The following KIRREL2 variants were observed in gnomAD, a reference collection of about 807,000 sequenced individuals.
The protein encoded by KIRREL2 is kirre like nephrin family adhesion molecule 2.
In KIRREL2, 56 loss-of-function variants were observed where a neutral mutation model predicts 73.4. The observed-to-expected ratio is 0.76, with a 90% CI of 0.62 to 0.95. The LOEUF is 0.95. Ranked by LOEUF, KIRREL2 falls within the 40% of genes least tolerant of loss-of-function variation. KIRREL2 has a pLI of 0.00. For missense variants in KIRREL2, 896 were observed against 935.0 expected (o/e 0.96, Z 0.54); for synonymous variants, 407 against 404.0 (o/e 1.01, Z -0.09).
At chr19:35,853,416 C>T (rs2146837561), upstream of KIRREL2, among the ~76,000 whole-genome samples, 1 of 152,330 alleles carries the variant, frequency 6.6e-6, no homozygotes, top group South Asian at 2.1e-4. Context: ...ACTGCATGAG[C>T]TTTCTTCTCC....
In KIRREL2 at chr19:35,866,711, T is replaced by G; in HGVS notation, c.*219T>G. 1.3e-5 allele frequency: 8 copies of G among 606,252 alleles called. No individual in the cohort carries two copies. Among genetic ancestry groups the G allele is most frequent in the Non-Finnish European group, 2.3e-5 (8 of 349,466 alleles). 37.6% of individuals were successfully genotyped at this position (606,252 alleles called of 1,614,324 possible). A position where few individuals can be genotyped will look rare whatever the true frequency, so the allele number is the denominator to read the frequency against. ...CATGGCCACCCAATATGCCCACCTA[T>G]TCCCCGGTGTAAAAGAGATTCAAGA... On this transcript the variant is annotated 3_prime_UTR_variant, in exon 15 of 15. Transcript: ENST00000360202.
chr19:35,862,998 G>A lies in KIRREL2; in HGVS notation c.1687G>A (p.Gly563Ser). Residue 563 changes from glycine (G) to serine (S), a missense_variant, in exon 13 of 15, where the codon GGT becomes AGT. Physicochemically the swap from Gly to Ser is moderately conservative, Grantham distance 56. Coordinates refer to ENST00000360202, the MANE Select transcript of KIRREL2 (RefSeq NM_199180.4). ...CAGCAGCGACGGCTCCAGTTCACGA[G>A]GTCCTGAAGAAGAGGAGACAGGCAG... Reference protein sequence around the residue: ...PGSSDGSSSRGPEEEETGSRE... With the variant: ...PGSSDGSSSRSPEEEETGSRE... The A allele has an allele frequency of 6.3e-7, 1 of 1,592,474 alleles. No homozygotes were observed. The highest frequency in any genetic ancestry group is 8.5e-7 in the Non-Finnish European group (1 of 1,169,882).
upstream of KIRREL2, among the ~76,000 whole-genome samples, chr19:35,855,706 C>CAT (rs1555765245): frequency 0.036 from 3,240 of 90,496 alleles, 178 homozygotes; most frequent in East Asian, 0.11. Context: ...CACACACACA[C>CAT]ATACACACAG....
chr19:35,862,521 C>G lies in KIRREL2; in HGVS notation c.1539C>G (p.Ala513=). 2 of 1,610,310 alleles carry G rather than the reference C, an allele frequency of 1.2e-6. No homozygotes were observed. Among genetic ancestry groups the G allele is most frequent in the Non-Finnish European group, 1.7e-6 (2 of 1,179,892 alleles). ...RDLLPTVRIV[A]GVAAATTTLL... ...TGCTGCCCACTGTGCGGATAGTGGC[C>G]GGAGTGGCCGCTGCCACCACAACTC... The change falls in exon 12 of 15, where the codon GCC becomes GCG. Residue 513 remains alanine (A), a synonymous_variant. Transcript: ENST00000360202.
Position 35,866,700 on chromosome 19 carries a change from A to T in KIRREL2, c.*208A>T, listed in dbSNP as rs1206202046. On this transcript the variant is annotated 3_prime_UTR_variant, in exon 15 of 15. Coordinates refer to ENST00000360202, the MANE Select transcript of KIRREL2 (RefSeq NM_199180.4). ...AGTGGGAGCAACATGGCCACCCAAT[A>T]TGCCCACCTATTCCCCGGTGTAAAA... 3.6e-5 allele frequency: 23 copies of T among 632,864 alleles called. No homozygotes were observed. The highest frequency in any genetic ancestry group is 5.7e-5 in the Non-Finnish European group (21 of 368,176). The allele number at this position is 632,864 out of a possible 1,614,324, so 39.2% of individuals were successfully genotyped here.
At position 35,860,708 on chromosome 19, in the gene KIRREL2, G is replaced by A. The variant is rs200703246; in HGVS notation, c.928+41G>A. 7.7e-5 allele frequency: 123 copies of A among 1,597,810 alleles called. No homozygotes were observed. The Admixed American group carries it at 1.6e-3, about 21-fold the overall frequency. ...CCTGTGGGTGTGGTCAAAGGTGGCC[G>A]TGGCTTTCAGGGCTGTTGAGGGTCG... On this transcript the variant is annotated intron_variant, in intron 7 of 14. Coordinates refer to ENST00000360202, the MANE Select transcript of KIRREL2 (RefSeq NM_199180.4).
At chr19:35,851,561 G>T (rs1599848088), upstream of KIRREL2, 1 of 1,613,930 alleles carries the variant, frequency 6.2e-7, no homozygotes, top group East Asian at 2.2e-5. Flanking sequence ...ACTGCCAGGG[G>T]TGCTGACCCC....
chr19:35,857,150 G>A lies in KIRREL2; in HGVS notation c.31G>A (p.Val11Ile). The change falls in exon 1 of 15, where the codon GTC becomes ATC. Residue 11 changes from valine (V) to isoleucine (I), a missense_variant. Transcript: ENST00000360202. ...CAGGATGCGGGTCCCCGCCCTCCTCGTCCTCCTCTTCTGCTTCAGAGGGAG... is the reference window on the plus strand; with the variant it reads ...CAGGATGCGGGTCCCCGCCCTCCTCATCCTCCTCTTCTGCTTCAGAGGGAG... MLRMRVPALL[V>I]LLFCFRGRAG... 3 of 1,612,606 alleles carry A rather than the reference G, an allele frequency of 1.9e-6. No individual in the cohort carries two copies. Among genetic ancestry groups the A allele is most frequent in the African/African-American group, 2.7e-5 (2 of 74,494 alleles).
At chr19:35,862,704 A>T in intron 12 of KIRREL2, 107 bp downstream of exon 12, 1 of 856,288 alleles carries the variant, frequency 1.2e-6, no homozygotes, top group South Asian at 1.4e-5. Context: ...TCCCATTTCC[A>T]GCTCTGCACA....
At position 35,860,406 on chromosome 19, in the gene KIRREL2, AG is replaced by A; in HGVS notation, c.779+6del. ...AGCCTCCTGTCACAGGCTACAGGTG[AG>A]GACGAAGACCCACCTCTCCCCAGCC... On this transcript the variant is annotated splice_donor_5th_base_variant and intron_variant, in intron 6 of 14. Transcript: ENST00000360202. 2 of 1,612,036 alleles carry A rather than the reference AG, an allele frequency of 1.2e-6. No homozygotes were observed. Among genetic ancestry groups the A allele is most frequent in the Non-Finnish European group, 1.7e-6 (2 of 1,179,590 alleles).
At chr19:35,851,910 C>T (rs562582669), upstream of KIRREL2, 3 of 1,349,562 alleles carry the variant, frequency 2.2e-6, no homozygotes, top group African/African-American at 2.9e-5. Context: ...TTCTCTGGGT[C>T]CCTCTCTGTG....
At chr19:35,854,899 A>C (rs140661674), upstream of KIRREL2, among the ~76,000 whole-genome samples, 36 of 152,164 alleles carry the variant, frequency 2.4e-4, no homozygotes, top group African/African-American at 7.9e-4. Context: ...TCTGCTCATC[A>C]CATCCCTGGA....
At chr19:35,863,765 CT>C (rs1300301856) in intron 13 of KIRREL2, among the ~76,000 whole-genome samples, 7 of 147,158 alleles carry the variant, frequency 4.8e-5, no homozygotes, top group South Asian at 4.4e-4. Context: ...GGGCTCAAGT[CT>C]TTTTTTTTCT....
intron 13 of KIRREL2, among the ~76,000 whole-genome samples, chr19:35,864,026 C>T (rs931120366): frequency 2.0e-5 from 3 of 152,172 alleles, no homozygotes; most frequent in East Asian, 1.9e-4. Flanking sequence ...CCGCTCGTCT[C>T]GGCCTCCCAA....
rs894766122 is a variant in KIRREL2 at position 35,856,991 on chromosome 19, G to A, written c.-129G>A. 2 of 953,066 alleles carry A rather than the reference G, an allele frequency of 2.1e-6. No homozygotes were observed. Among genetic ancestry groups the A allele is most frequent in the Non-Finnish European group, 3.4e-6 (2 of 592,512 alleles). 59.0% of individuals were successfully genotyped at this position (953,066 alleles called of 1,614,324 possible). On this transcript the variant is annotated 5_prime_UTR_variant, in exon 1 of 15. Transcript: ENST00000360202. The surrounding 1 kb of genome is among the most constrained non-coding windows in gnomAD (Gnocchi z 5.9). ...AGCAGACTTGGAGGACTCCAGGCCA[G>A]AGACTAGGCTGGGCGAAGAGTCGAG...
At chr19:35,856,905 TCTC>T, upstream of KIRREL2, 1 of 635,478 alleles carries the variant, frequency 1.6e-6, no homozygotes, top group South Asian at 1.8e-5. This position sits in a 1 kb window ranked among gnomAD's most constrained non-coding sequence, Gnocchi z 5.9. Flanking sequence ...CCTCTTGGGG[TCTC>T]CCAGAGACCC....
intron 13 of KIRREL2, among the ~76,000 whole-genome samples, 193 bp from the exon 14 acceptor site, chr19:35,864,455 G>C (rs889882799): frequency 6.6e-6 from 1 of 152,130 alleles, no homozygotes; most frequent in Non-Finnish European, 1.5e-5. Flanking sequence ...CTCCCAAAGT[G>C]CTGGGATTAC....
rs773461021 is a variant in KIRREL2, at chr19:35,866,348, T to C, written c.1983T>C (p.Tyr661=). The change falls in exon 15 of 15, where the codon TAT becomes TAC. Residue 661 remains tyrosine, a synonymous_variant. Transcript: ENST00000360202. ...GACTTTACAGAGCCAGGGCAGGCTA[T>C]CTCACCACACCCCACCCTCGAGCTT... ...PCRLYRARAG[Y]LTTPHPRAFT... 6.2e-7 allele frequency: 1 copy of C among 1,611,720 alleles called. No homozygotes were observed. Among genetic ancestry groups the C allele is most frequent in the South Asian group, 1.1e-5 (1 of 90,910 alleles).
At chr19:35,851,884 C>T (rs1973276153), upstream of KIRREL2, 1 of 1,510,150 alleles carries the variant, frequency 6.6e-7, no homozygotes, top group African/African-American at 1.4e-5. Flanking sequence ...TGCCAGCCAC[C>T]TGCGTCTGTC....
Sources: allele counts gnomAD v4.1 joint callset (sites outside exome capture counted in the v4.1 genomes callset), GRCh38; gene constraint gnomAD v4.1.1; non-coding constraint Gnocchi (gnomAD v3.1); transcripts MANE v1.5; gene names NCBI Gene and HGNC (gene_info 2026-07-23, HGNC 2026-07-21).